The following SV2C variants were observed in gnomAD, a reference collection of about 807,000 sequenced individuals.
SV2C encodes solute carrier family 22 member B3.
In SV2C, 49 loss-of-function variants were observed where a neutral mutation model predicts 79.7. That is an observed-to-expected ratio of 0.61 (90% CI 0.49 to 0.78). The LOEUF (loss-of-function observed/expected upper bound fraction) is 0.78. Ranked by LOEUF, SV2C falls within the 30% of genes least tolerant of loss-of-function variation. SV2C has a pLI of 0.00. For synonymous variants in SV2C, 334 were observed against 333.2 expected (o/e 1.00, Z -0.03); for missense variants, 833 against 912.9 (o/e 0.91, Z 1.13).
chr5:76,184,260 G>T (rs1367674200), intron 2 of SV2C, among the ~76,000 whole-genome samples: 1 of 152,194 alleles, frequency 6.6e-6, no homozygotes, highest in Non-Finnish European at 1.5e-5. Flanking sequence ...ACTAGGCTGT[G>T]ATCTCCTGGA....
At chr5:76,179,380 T>C (rs1259720844) in intron 2 of SV2C, among the ~76,000 whole-genome samples, 3 of 152,330 alleles carry the variant, frequency 2.0e-5, no homozygotes, top group Non-Finnish European at 4.4e-5. Context: ...TTCAGCATTG[T>C]TTTTTGCTTG....
intron 2 of SV2C, chr5:76,173,558 G>A: frequency 6.8e-7 from 1 of 1,462,842 alleles, no homozygotes; most frequent in Non-Finnish European, 9.6e-7. Context: ...TAACAAAGTT[G>A]GAATGCTGGC....
the SV2C span, among the ~76,000 whole-genome samples, chr5:75,950,523 A>G: frequency 7.2e-4 from 110 of 152,098 alleles, no homozygotes; most frequent in Non-Finnish European, 1.4e-3. Flanking sequence ...TTTCCTTGAG[A>G]TGGCTAAATA....
intron 1 of SV2C, among the ~76,000 whole-genome samples, chr5:76,095,075 G>C (rs1291530730): frequency 6.6e-6 from 1 of 151,388 alleles, no homozygotes; most frequent in Non-Finnish European, 1.5e-5. Context: ...AGATTTTATA[G>C]TTTTACATTT....
At chr5:75,892,486 G>T in the SV2C span, among the ~76,000 whole-genome samples, 14 of 151,856 alleles carry the variant, frequency 9.2e-5, no homozygotes, top group Non-Finnish European at 1.5e-4. Context: ...TGTTACATGG[G>T]TATATTGCAT....
the SV2C span, among the ~76,000 whole-genome samples, chr5:76,037,762 G>C: frequency 6.6e-6 from 1 of 152,210 alleles, no homozygotes; most frequent in Admixed American, 6.5e-5. Context: ...CTTGAGCTGT[G>C]GTGGGCTCCA....
At chr5:76,208,780 G>A (rs1468137054) in intron 3 of SV2C, among the ~76,000 whole-genome samples, 1 of 152,172 alleles carries the variant, frequency 6.6e-6, no homozygotes, top group Non-Finnish European at 1.5e-5. Flanking sequence ...CTTATGTTGT[G>A]TGTCTTTTTA....
intron 2 of SV2C, among the ~76,000 whole-genome samples, chr5:76,177,297 G>A (rs938189429): frequency 4.6e-5 from 7 of 150,712 alleles, no homozygotes; most frequent in African/African-American, 1.5e-4. Flanking sequence ...AATATTTTCA[G>A]CAGTGTTTTG....
At chr5:75,970,854 T>A in the SV2C span, among the ~76,000 whole-genome samples, 192 of 152,186 alleles carry the variant, frequency 1.3e-3, no homozygotes, top group Non-Finnish European at 2.3e-3. Context: ...TACCAAAGCC[T>A]GGCAGAGACA....
chr5:76,049,953 T>C, the SV2C span, among the ~76,000 whole-genome samples: 1 of 152,234 alleles, frequency 6.6e-6, no homozygotes, highest in Non-Finnish European at 1.5e-5. Flanking sequence ...GGAGCCAGAC[T>C]GCCTGGGTTG....
At chr5:75,998,225 A>G in the SV2C span, among the ~76,000 whole-genome samples, 2 of 152,262 alleles carry the variant, frequency 1.3e-5, no homozygotes, top group South Asian at 4.2e-4. Flanking sequence ...TAGCATTAGG[A>G]GATATACCTG....
At chr5:76,219,286 T>C (rs372098166) in intron 4 of SV2C, among the ~76,000 whole-genome samples, 8 of 152,372 alleles carry the variant, frequency 5.3e-5, no homozygotes, top group Admixed American at 3.3e-4. Context: ...ATTTGTTAAT[T>C]TAATTTGTTA....
intron 2 of SV2C, among the ~76,000 whole-genome samples, chr5:76,177,227 AATC>A (rs1743564799): frequency 2.8e-5 from 2 of 70,900 alleles, no homozygotes; most frequent in African/African-American, 8.6e-5. Context: ...CAAATATATT[AATC>A]TGTATATATG....
chr5:76,322,111 C>T (rs62361446), intron 12 of SV2C, among the ~76,000 whole-genome samples: 8 of 152,226 alleles, frequency 5.3e-5, no homozygotes, highest in Non-Finnish European at 1.0e-4. Context: ...GAGAAAATTC[C>T]GTGGGCTCTT....
At chr5:75,925,543 G>C in the SV2C span, among the ~76,000 whole-genome samples, 1 of 152,058 alleles carries the variant, frequency 6.6e-6, no homozygotes, top group Admixed American at 6.5e-5. Flanking sequence ...TAGAGTGCTG[G>C]AGGGTGGCCC....
intron 2 of SV2C, among the ~76,000 whole-genome samples, chr5:76,152,037 T>C (rs1234753600): frequency 1.3e-5 from 2 of 152,020 alleles, no homozygotes; most frequent in Non-Finnish European, 2.9e-5. Flanking sequence ...CTAAAATAAA[T>C]GGTTTGAATG....
At chr5:76,077,808 G>T in the SV2C span, among the ~76,000 whole-genome samples, 2 of 152,220 alleles carry the variant, frequency 1.3e-5, no homozygotes, top group African/African-American at 2.4e-5. Flanking sequence ...GTGGATCTGG[G>T]TGTAGGCTTA....
intron 10 of SV2C, among the ~76,000 whole-genome samples, chr5:76,299,247 T>A (rs982009178): frequency 2.6e-5 from 4 of 152,242 alleles, no homozygotes; most frequent in African/African-American, 9.6e-5. Context: ...ATCTGGTGTT[T>A]GTTTAAATGC....
intron 1 of SV2C, among the ~76,000 whole-genome samples, chr5:76,086,002 T>C (rs774805548): frequency 6.6e-5 from 10 of 152,128 alleles, no homozygotes; most frequent in Non-Finnish European, 8.8e-5. Flanking sequence ...ACTGACTGTC[T>C]GGAGAAGGAA....
Sources: allele counts gnomAD v4.1 joint callset (sites outside exome capture counted in the v4.1 genomes callset), GRCh38; gene constraint gnomAD v4.1.1; transcripts MANE v1.5; gene names NCBI Gene and HGNC (gene_info 2026-07-23, HGNC 2026-07-21).